DCAF10: variants seen among roughly 807,000 people sequenced by gnomAD.
The protein encoded by DCAF10 is DDB1 and CUL4 associated factor 10.
Under a neutral mutation model 51.9 loss-of-function variants are expected in DCAF10, and 19 were observed. That is an observed-to-expected ratio of 0.37 (90% CI 0.26 to 0.54). The LOEUF is 0.54. Among genes scored for constraint, DCAF10 ranks in the 20% least tolerant of loss-of-function variants. The pLI, the probability that DCAF10 is intolerant of heterozygous loss-of-function variation, is 0.87. For missense variants in DCAF10, 510 were observed against 730.6 expected, an observed-to-expected ratio of 0.70 and a Z score of 3.48; for synonymous variants, 291 against 297.1, an observed-to-expected ratio of 0.98 and a Z score of 0.21.
At chr9:37,810,688 C>T (rs916434907) in intron 1 of DCAF10, among the ~76,000 whole-genome samples, 7 of 152,266 alleles carry the variant, frequency 4.6e-5, no homozygotes, top group African/African-American at 1.7e-4. Flanking sequence ...TCTCGACCTC[C>T]TGACCTCAGG....
At chr9:37,839,437 G>A (rs1293103112) in intron 2 of DCAF10, among the ~76,000 whole-genome samples, 2 of 152,028 alleles carry the variant, frequency 1.3e-5, no homozygotes, top group East Asian at 1.9e-4. Context: ...ATGGGGTTTC[G>A]TCATGTTGCC....
At chr9:37,820,714 A>C (rs1829677021) in intron 2 of DCAF10, among the ~76,000 whole-genome samples, 1 of 152,068 alleles carries the variant, frequency 6.6e-6, no homozygotes, top group Non-Finnish European at 1.5e-5. Flanking sequence ...CAACTCTGAA[A>C]CCATTAAATA....
At chr9:37,842,713 T>TA (rs1381214138) in intron 3 of DCAF10, among the ~76,000 whole-genome samples, 1 of 152,208 alleles carries the variant, frequency 6.6e-6, no homozygotes, top group Non-Finnish European at 1.5e-5. Flanking sequence ...TGTTTAGGAA[T>TA]AAAGCGTGGG....
intron 3 of DCAF10, among the ~76,000 whole-genome samples, chr9:37,849,259 A>C (rs772236008): frequency 2.2e-4 from 34 of 152,146 alleles, no homozygotes; most frequent in Admixed American, 5.9e-4. Flanking sequence ...AAAAGAAGGA[A>C]GAAAACAATT....
intron 1 of DCAF10, among the ~76,000 whole-genome samples, chr9:37,816,876 T>C (rs1829555832): frequency 6.6e-6 from 1 of 152,156 alleles, no homozygotes; most frequent in African/African-American, 2.4e-5. Context: ...TTCAATAAAA[T>C]TTCAACAAAA....
chr9:37,842,428 T>A (rs1830361112), intron 3 of DCAF10, 142 bp downstream of exon 3: 2 of 799,024 alleles, frequency 2.5e-6, no homozygotes, highest in East Asian at 5.7e-5. Flanking sequence ...TATATTTTGT[T>A]AATTGTACCT....
At chr9:37,805,299 T>C (rs897790846) in intron 1 of DCAF10, among the ~76,000 whole-genome samples, 2 of 152,066 alleles carry the variant, frequency 1.3e-5, no homozygotes, top group African/African-American at 2.4e-5. Flanking sequence ...CTGGCCAACC[T>C]GATGAAACCC....
At chr9:37,833,677 T>G (rs1830066732) in intron 2 of DCAF10, among the ~76,000 whole-genome samples, 1 of 152,208 alleles carries the variant, frequency 6.6e-6, no homozygotes, top group Admixed American at 6.5e-5. Flanking sequence ...TTTGGAGAAG[T>G]TCTGTGATTC....
intron 2 of DCAF10, among the ~76,000 whole-genome samples, chr9:37,831,366 C>T (rs886771442): frequency 7.2e-5 from 11 of 152,258 alleles, no homozygotes; most frequent in African/African-American, 2.6e-4. Flanking sequence ...ATTACTTAAT[C>T]CTCACAGTAT....
At chr9:37,850,617 G>A (rs1830603997) in intron 3 of DCAF10, among the ~76,000 whole-genome samples, 2 of 151,750 alleles carry the variant, frequency 1.3e-5, no homozygotes, top group Non-Finnish European at 2.9e-5. Flanking sequence ...AGGGACTGGG[G>A]ACAGGTGGGT....
intron 3 of DCAF10, among the ~76,000 whole-genome samples, chr9:37,852,960 AT>A (rs1263341804): frequency 7.4e-5 from 6 of 81,078 alleles, no homozygotes; most frequent in Non-Finnish European, 1.1e-4. Context: ...ATATATATAT[AT>A]ATATAAATTA....
Position 37,819,361 on chromosome 9 carries a change from A to G in DCAF10, c.613A>G (p.Thr205Ala), listed in dbSNP as rs767242250. Reference protein sequence around the residue: ...FDPISSKHIKTLSEAHEDCVN... With the variant: ...FDPISSKHIKALSEAHEDCVN... Reference sequence around the variant, plus strand: ...CCCTATATCTTCAAAGCACATAAAAACACTTTCTGAAGCTCATGAAGACTG... The same window carrying G: ...CCCTATATCTTCAAAGCACATAAAAGCACTTTCTGAAGCTCATGAAGACTG... Residue 205 changes from threonine (T) to alanine (A), a missense_variant, in exon 2 of 7, where the codon ACA becomes GCA. Thr to Ala is a moderately conservative substitution (Grantham distance 58, BLOSUM62 0). Transcript: ENST00000377724. 1.2e-6 allele frequency: 2 copies of G among 1,613,890 alleles called. No homozygotes were observed. The highest frequency in any genetic ancestry group is 1.7e-6 in the Non-Finnish European group (2 of 1,179,878).
intron 2 of DCAF10, among the ~76,000 whole-genome samples, chr9:37,837,533 A>G (rs545841716): frequency 2.1e-4 from 32 of 151,928 alleles, no homozygotes; most frequent in Admixed American, 2.1e-3. Flanking sequence ...CTTCTCATTG[A>G]TAAGCCCTCT....
intron 2 of DCAF10, among the ~76,000 whole-genome samples, chr9:37,840,926 C>T (rs1345835812): frequency 1.3e-5 from 2 of 152,152 alleles, no homozygotes; most frequent in African/African-American, 4.8e-5. Context: ...CAGTTGCCTA[C>T]AGTATTTAGT....
At position 37,861,560 on chromosome 9, in the gene DCAF10, C is replaced by G. The variant is rs1272083648; in HGVS notation, c.*52C>G. On this transcript the variant is annotated 3_prime_UTR_variant, in exon 7 of 7. Coordinates refer to ENST00000377724, the MANE Select transcript of DCAF10 (RefSeq NM_024345.5). This position sits in a 1 kb window ranked among gnomAD's most constrained non-coding sequence, Gnocchi z 4.9. Reference sequence around the variant, plus strand: ...CTTCTGGTGTTTGACTTAGGAATTGCTTCAATTTAGATGAAGTATTTTCTT... The same window carrying G: ...CTTCTGGTGTTTGACTTAGGAATTGGTTCAATTTAGATGAAGTATTTTCTT... 1 of 1,545,586 alleles carries G rather than the reference C, an allele frequency of 6.5e-7. No homozygotes were observed. Among genetic ancestry groups the G allele is most frequent in the Admixed American group, 2.1e-5 (1 of 47,814 alleles).
Position 37,864,839 on chromosome 9 carries a change from AC to A in DCAF10, c.*3334del, listed in dbSNP as rs1564057949. The A allele has an allele frequency of 6.6e-6, 1 of 152,114 alleles. No homozygotes were observed. The highest frequency in any genetic ancestry group is 1.5e-5 in the Non-Finnish European group (1 of 68,036). 9.4% of individuals were successfully genotyped at this position (152,114 alleles called of 1,614,324 possible). A position where few individuals can be genotyped will look rare whatever the true frequency, so the allele number is the denominator to read the frequency against. On this transcript the variant is annotated 3_prime_UTR_variant, in exon 7 of 7. Coordinates refer to ENST00000377724, the MANE Select transcript of DCAF10 (RefSeq NM_024345.5). Reference sequence around the variant, plus strand: ...AAATAATATACAGACTTCACTACTAACCCTCACAAAAACTTGCAGGGTAGGT... The same window carrying A: ...AAATAATATACAGACTTCACTACTAACCTCACAAAAACTTGCAGGGTAGGT...
chr9:37,851,528 C>T (rs954824957), intron 3 of DCAF10, among the ~76,000 whole-genome samples: 3 of 150,566 alleles, frequency 2.0e-5, no homozygotes, highest in Non-Finnish European at 3.0e-5. Context: ...GGCACAGTGG[C>T]TCACACCTGT....
At chr9:37,835,652 C>T (rs375406396) in intron 2 of DCAF10, among the ~76,000 whole-genome samples, 1 of 151,766 alleles carries the variant, frequency 6.6e-6, no homozygotes, top group Admixed American at 6.6e-5. Context: ...GCAGGAGAAT[C>T]GCTTGAACCC....
intron 2 of DCAF10, among the ~76,000 whole-genome samples, chr9:37,826,526 T>A (rs560068319): frequency 3.2e-4 from 49 of 152,260 alleles, no homozygotes; most frequent in African/African-American, 1.2e-3. Flanking sequence ...AGAGACATTC[T>A]CATAGGATCC....
Sources: allele counts gnomAD v4.1 joint callset (sites outside exome capture counted in the v4.1 genomes callset), GRCh38; gene constraint gnomAD v4.1.1; non-coding constraint Gnocchi (gnomAD v3.1); transcripts MANE v1.5; gene names NCBI Gene and HGNC (gene_info 2026-07-23, HGNC 2026-07-21).